NCEH1: variants seen among roughly 807,000 people sequenced by gnomAD.
NCEH1 encodes 2-acetyl MAGE hydrolase.
In NCEH1, 9 loss-of-function variants were observed where a neutral mutation model predicts 25.4. The ratio of observed to expected loss-of-function variants is 0.35; its 90% CI spans 0.21 to 0.62. NCEH1 has a LOEUF of 0.62. Among genes scored for constraint, NCEH1 ranks in the 20% least tolerant of loss-of-function variants. The pLI, the probability that NCEH1 is intolerant of heterozygous loss-of-function variation, is 0.72. For missense variants in NCEH1, 412 were observed against 501.1 expected (o/e 0.82, Z 1.70); for synonymous variants, 200 against 199.8 (o/e 1.00, Z -0.01).
At chr3:172,644,859 A>G (rs1380116111) in intron 3 of NCEH1, among the ~76,000 whole-genome samples, 1 of 152,226 alleles carries the variant, frequency 6.6e-6, no homozygotes, top group African/African-American at 2.4e-5. Context: ...ATAATAAGTC[A>G]AATATGTGGT....
chr3:172,653,760 G>GCT (rs1717550296), intron 1 of NCEH1, among the ~76,000 whole-genome samples: 1 of 54,418 alleles, frequency 1.8e-5, no homozygotes, highest in African/African-American at 5.4e-5. Flanking sequence ...TTGTTTTTTT[G>GCT]TTTTTTTTTT....
chr3:172,695,892 TG>T (rs1459754102), intron 1 of NCEH1, among the ~76,000 whole-genome samples: 5 of 151,796 alleles, frequency 3.3e-5, no homozygotes, highest in African/African-American at 4.8e-5. Flanking sequence ...TGCAATGAGC[TG>T]AGATGGCACC....
chr3:172,689,928 G>T (rs2108527677), intron 1 of NCEH1, among the ~76,000 whole-genome samples: 1 of 145,656 alleles, frequency 6.9e-6, no homozygotes, highest in Admixed American at 6.9e-5. Context: ...TTTTGAGACG[G>T]AGTCTCACTC....
chr3:172,698,766 A>G (rs1713521804), intron 1 of NCEH1, among the ~76,000 whole-genome samples: 1 of 152,258 alleles, frequency 6.6e-6, no homozygotes, highest in Admixed American at 6.5e-5. Flanking sequence ...GAAACCCAGA[A>G]AACAGCGAGG....
chr3:172,692,547 T>C (rs1405445016), intron 1 of NCEH1, among the ~76,000 whole-genome samples: 1 of 151,642 alleles, frequency 6.6e-6, no homozygotes, highest in Non-Finnish European at 1.5e-5. Context: ...AATTTTTTTG[T>C]AGAGATGGGG....
chr3:172,689,570 C>T (rs369494587), intron 1 of NCEH1, among the ~76,000 whole-genome samples: 5 of 146,904 alleles, frequency 3.4e-5, no homozygotes, highest in African/African-American at 5.0e-5. Flanking sequence ...ATTAGCCAGG[C>T]GTGATGGCAC....
At chr3:172,678,488 C>T (rs1389919397) in intron 1 of NCEH1, among the ~76,000 whole-genome samples, 1 of 152,188 alleles carries the variant, frequency 6.6e-6, no homozygotes, top group Non-Finnish European at 1.5e-5. Context: ...ACAAGTCACT[C>T]CTTCCAAACG....
intron 3 of NCEH1, among the ~76,000 whole-genome samples, chr3:172,640,767 A>G (rs1028422077): frequency 2.0e-5 from 3 of 151,756 alleles, no homozygotes; most frequent in Non-Finnish European, 4.4e-5. Flanking sequence ...TCAGCCTCCC[A>G]AAGTGCTGGG....
chr3:172,698,433 A>C (rs1349162225), intron 1 of NCEH1, among the ~76,000 whole-genome samples: 4 of 152,240 alleles, frequency 2.6e-5, no homozygotes, highest in Non-Finnish European at 5.9e-5. Flanking sequence ...GAAATGATGC[A>C]TATACCAGAA....
In NCEH1 at chr3:172,652,497, A is replaced by G. The variant is rs576565988; in HGVS notation, c.139-4383T>C. On this transcript the variant is annotated intron_variant, in intron 1 of 4. Transcript: ENST00000475381. Reference sequence around the variant, plus strand: ...TACCCACATGGCTTCCCCAAACCACAATGCCTCAGCACTGTATAAGATCCT... The same window carrying G: ...TACCCACATGGCTTCCCCAAACCACGATGCCTCAGCACTGTATAAGATCCT... Among the ~76,000 whole-genome samples, 4 of 152,338 alleles carry G rather than the reference A, an allele frequency of 2.6e-5. No homozygotes were observed. In the South Asian group the frequency reaches 8.3e-4, roughly 32 times the overall value.
chr3:172,633,317 T>C lies in NCEH1; in HGVS notation c.*158A>G. ...AGTTAGTCAAATTCATTTTTAAAAA[T>C]TAGGTTATCATAAAGACTTCAGTTA... On this transcript the variant is annotated 3_prime_UTR_variant, in exon 5 of 5. Transcript: ENST00000475381. 1 of 734,682 alleles carries C rather than the reference T, an allele frequency of 1.4e-6. No individual in the cohort carries two copies. The highest frequency in any genetic ancestry group is 2.2e-6 in the Non-Finnish European group (1 of 451,292). 45.5% of individuals were successfully genotyped at this position (734,682 alleles called of 1,614,324 possible). A position where few individuals can be genotyped will look rare whatever the true frequency, so the allele number is the denominator to read the frequency against.
chr3:172,704,207 T>C (rs1105151), intron 1 of NCEH1, among the ~76,000 whole-genome samples: 91,569 of 152,046 alleles, frequency 0.6, 27,993 homozygotes, highest in East Asian at 0.84. Context: ...TGAGGTGACA[T>C]TAAATCTCAA....
At chr3:172,657,860 T>G (rs1005292490) in intron 1 of NCEH1, among the ~76,000 whole-genome samples, 1 of 152,222 alleles carries the variant, frequency 6.6e-6, no homozygotes, top group African/African-American at 2.4e-5. Flanking sequence ...GCAATGCCCT[T>G]CACTGGTATG....
At chr3:172,649,104 C>T (rs1248001333) in intron 1 of NCEH1, among the ~76,000 whole-genome samples, 1 of 152,156 alleles carries the variant, frequency 6.6e-6, no homozygotes, top group Non-Finnish European at 1.5e-5. Context: ...CTGTGCACAG[C>T]GTACGACGGT....
intron 4 of NCEH1, 45 bp from the exon 5 acceptor site, chr3:172,634,137 C>T (rs1361360019): frequency 1.3e-6 from 2 of 1,565,412 alleles, no homozygotes; most frequent in Non-Finnish European, 1.7e-6. Flanking sequence ...TGCATGCCTT[C>T]TTTTATAGGA....
chr3:172,696,771 CAATT>C (rs1713402168), intron 1 of NCEH1, among the ~76,000 whole-genome samples: 1 of 152,070 alleles, frequency 6.6e-6, no homozygotes, highest in African/African-American at 2.4e-5. Context: ...GATCTATAGT[CAATT>C]AAATTTGGGA....
At chr3:172,685,966 A>G (rs1037000125) in intron 1 of NCEH1, among the ~76,000 whole-genome samples, 2 of 152,228 alleles carry the variant, frequency 1.3e-5, no homozygotes, top group Admixed American at 6.5e-5. Flanking sequence ...CAACTTTGCA[A>G]TGAGAGCAGG....
In NCEH1 at chr3:172,630,709, T is replaced by C. The variant is rs1055346666; in HGVS notation, c.*2766A>G. ...CATGATTCAGAATAGATAGATGCTTTGCTACCTCCACACTGGATTTTCACT... is the reference window on the plus strand; with the variant it reads ...CATGATTCAGAATAGATAGATGCTTCGCTACCTCCACACTGGATTTTCACT... On this transcript the variant is annotated 3_prime_UTR_variant, in exon 5 of 5. Transcript: ENST00000475381. The C allele has an allele frequency of 6.6e-6, 1 of 152,240 alleles. No individual in the cohort carries two copies. Among genetic ancestry groups the C allele is most frequent in the Non-Finnish European group, 1.5e-5 (1 of 68,044 alleles). 9.4% of individuals were successfully genotyped at this position (152,240 alleles called of 1,614,324 possible). A position where few individuals can be genotyped will look rare whatever the true frequency, so the allele number is the denominator to read the frequency against.
At chr3:172,663,774 G>C (rs968535349) in intron 1 of NCEH1, among the ~76,000 whole-genome samples, 2 of 152,074 alleles carry the variant, frequency 1.3e-5, no homozygotes, top group Non-Finnish European at 2.9e-5. Flanking sequence ...TCAGAGACTA[G>C]GATTGCAACC....
Sources: allele counts gnomAD v4.1 joint callset (sites outside exome capture counted in the v4.1 genomes callset), GRCh38; gene constraint gnomAD v4.1.1; transcripts MANE v1.5; gene names NCBI Gene and HGNC (gene_info 2026-07-23, HGNC 2026-07-21).